Variants in PPP2R5C observed in about 807,000 individuals in gnomAD.
PPP2R5C encodes protein phosphatase 2 regulatory subunit B'gamma, also known as serine/threonine-protein phosphatase 2A 56 kDa regulatory subunit gamma isoform.
A neutral mutation model predicts 68.9 loss-of-function variants in PPP2R5C; 7 were observed. The ratio of observed to expected loss-of-function variants is 0.10; its 90% CI spans 0.06 to 0.19. The LOEUF (loss-of-function observed/expected upper bound fraction) is 0.19, where lower values mean the gene tolerates loss of function less well. Ranked by LOEUF, PPP2R5C falls within the 10% of genes least tolerant of loss-of-function variation. The pLI, the probability that PPP2R5C is intolerant of heterozygous loss-of-function variation, is 1.00. For synonymous variants in PPP2R5C, 210 were observed against 222.2 expected (o/e 0.95, Z 0.49); for missense variants, 348 against 641.3 (o/e 0.54, Z 4.94).
At chr14:101,808,970 A>G (rs1196895650), upstream of PPP2R5C, among the ~76,000 whole-genome samples, 4 of 152,220 alleles carry the variant, frequency 2.6e-5, no homozygotes, top group Admixed American at 6.5e-5. Context: ...TTTTACATTA[A>G]CTGTATTTGA....
chr14:101,824,323 T>C (rs2040267704), intron 1 of PPP2R5C: 1 of 532,742 alleles, frequency 1.9e-6, no homozygotes, highest in African/African-American at 2.0e-5. Context: ...GGCTCTGTTT[T>C]AGTGTAGACA....
chr14:101,825,790 GGGGATT>G lies in PPP2R5C; in HGVS notation c.94+15755_94+15760del, dbSNP rs2040363994. Among the ~76,000 whole-genome samples the G allele has an allele frequency of 6.6e-6, 1 of 152,228 alleles. No homozygotes were observed. The highest frequency in any genetic ancestry group is 1.5e-5 in the Non-Finnish European group (1 of 68,054). ...AATGTTCAGTGTCATCTTCAGCAGA[GGGGATT>G]ATCAGAAACTTCTGGGGCAGTAAGG... On this transcript the variant is annotated intron_variant, in intron 1 of 13. Coordinates refer to ENST00000334743, the Ensembl canonical transcript of PPP2R5C. This position sits in a 1 kb window ranked among gnomAD's most constrained non-coding sequence, Gnocchi z 4.0.
chr14:101,801,776 C>A (rs145192768), intron 3 of PPP2R5C, among the ~76,000 whole-genome samples: 2 of 152,348 alleles, frequency 1.3e-5, no homozygotes, highest in East Asian at 3.9e-4. Flanking sequence ...AAGCAATCTA[C>A]AAATTCAGTG....
At chr14:101,867,816 A>G (rs1400174363) in intron 2 of PPP2R5C, among the ~76,000 whole-genome samples, 2 of 152,150 alleles carry the variant, frequency 1.3e-5, no homozygotes, top group Non-Finnish European at 2.9e-5. Context: ...AAATAAAAAC[A>G]AGCTATCCGT....
At chr14:101,819,917 C>G (rs2039946353) in intron 1 of PPP2R5C, 2 of 152,230 alleles carry the variant, frequency 1.3e-5, no homozygotes, top group Non-Finnish European at 2.9e-5. Flanking sequence ...AGCCACCGCA[C>G]CCAGCCTCCT....
rs141000996 is a variant in PPP2R5C at position 101,906,023 on chromosome 14, T to C, written c.1024-379T>C. On this transcript the variant is annotated intron_variant, in intron 9 of 13. Coordinates refer to ENST00000334743, the Ensembl canonical transcript of PPP2R5C. The surrounding 1 kb of genome is among the most constrained non-coding windows in gnomAD (Gnocchi z 4.0). ...GGAGTCAAGGATTTCTGCCTTGCTT[T>C]GTTCAGTGCTGAATGCTCAGCAGAA... 1.8e-3 allele frequency among the ~76,000 whole-genome samples: 271 copies of C among 152,368 alleles called. 1 individual carries two copies. The highest frequency in any genetic ancestry group is 6.1e-3 in the African/African-American group (253 of 41,598).
chr14:101,864,144 CAATAAA>C (rs1290685813), intron 2 of PPP2R5C, among the ~76,000 whole-genome samples: 1 of 152,128 alleles, frequency 6.6e-6, no homozygotes, highest in Non-Finnish European at 1.5e-5. Context: ...TTTATAGACT[CAATAAA>C]TATTCATTCA....
chr14:101,858,334 C>A (rs917665174), intron 2 of PPP2R5C, among the ~76,000 whole-genome samples: 1 of 151,756 alleles, frequency 6.6e-6, no homozygotes, highest in Non-Finnish European at 1.5e-5. Flanking sequence ...AATCTTTTTT[C>A]TTTTAGGTAT....
intron 2 of PPP2R5C, among the ~76,000 whole-genome samples, chr14:101,770,937 C>T (rs1287377425): frequency 2.6e-5 from 4 of 152,240 alleles, no homozygotes; most frequent in African/African-American, 9.6e-5. Context: ...GATGGGTCTC[C>T]AGTGTTTCCT....
intron 3 of PPP2R5C, among the ~76,000 whole-genome samples, chr14:101,799,345 C>A (rs2038758535): frequency 6.6e-6 from 1 of 152,188 alleles, no homozygotes; most frequent in Non-Finnish European, 1.5e-5. Flanking sequence ...TCAGTCCCTC[C>A]CAAGCTGTCC....
upstream of PPP2R5C, among the ~76,000 whole-genome samples, chr14:101,808,627 T>G (rs1042025638): frequency 2.0e-5 from 3 of 152,244 alleles, no homozygotes; most frequent in African/African-American, 7.2e-5. Flanking sequence ...GAGCCCTAGC[T>G]GTATTTCAGG....
intron 8 of PPP2R5C, among the ~76,000 whole-genome samples, chr14:101,896,228 C>T (rs2045315572): frequency 6.6e-6 from 1 of 151,830 alleles, no homozygotes; most frequent in African/African-American, 2.4e-5. Flanking sequence ...CCATGTTGGC[C>T]AGGCTGGTCT....
chr14:101,878,179 A>G (rs780103115), intron 2 of PPP2R5C, among the ~76,000 whole-genome samples: 14 of 152,240 alleles, frequency 9.2e-5, no homozygotes, highest in Non-Finnish European at 1.9e-4. Context: ...CTGGAGGGCC[A>G]AGGCCCCACT....
At chr14:101,829,401 T>G (rs775298750) in intron 1 of PPP2R5C, among the ~76,000 whole-genome samples, 2 of 152,062 alleles carry the variant, frequency 1.3e-5, no homozygotes, top group Non-Finnish European at 2.9e-5. Flanking sequence ...CATTTATAGG[T>G]CTTACCAGGC....
rs2044674353 is a variant in PPP2R5C at position 101,888,712 on chromosome 14, C to G, written c.630-1525C>G. ...GTTCAAGTGATCCTCCCACCTCAGCCTCCCACATATGTGGGATTACAGGCA... is the reference window on the plus strand; with the variant it reads ...GTTCAAGTGATCCTCCCACCTCAGCGTCCCACATATGTGGGATTACAGGCA... On this transcript the variant is annotated intron_variant, in intron 5 of 13. Coordinates refer to ENST00000334743, the Ensembl canonical transcript of PPP2R5C. This position sits in a 1 kb window ranked among gnomAD's most constrained non-coding sequence, Gnocchi z 5.6. Among the ~76,000 whole-genome samples the G allele has an allele frequency of 6.6e-6, 1 of 152,222 alleles. No individual in the cohort carries two copies. Among genetic ancestry groups the G allele is most frequent in the Non-Finnish European group, 1.5e-5 (1 of 68,036 alleles).
intron 1 of PPP2R5C, among the ~76,000 whole-genome samples, chr14:101,845,138 T>TAAA (rs560828976): frequency 3.4e-5 from 5 of 145,888 alleles, no homozygotes; most frequent in South Asian, 2.2e-4. Context: ...TTTCCCTGTT[T>TAAA]AAAAAAAAAA....
Position 101,852,573 on chromosome 14 carries a change from A to T in PPP2R5C, c.95-4113A>T, listed in dbSNP as rs550274658. 4.8e-5 allele frequency among the ~76,000 whole-genome samples: 7 copies of T among 147,218 alleles called. No homozygotes were observed. In the South Asian group the frequency reaches 1.3e-3, roughly 27 times the overall value. On this transcript the variant is annotated intron_variant, in intron 1 of 13. Transcript: ENST00000334743. ...AACCTCAGCCTCCCGGGTTCAAGCG[A>T]TTCTCTTGCCTCAGCCTCCCAAGTA... is the stretch of plus-strand genomic sequence containing the variant.
At chr14:101,819,645 T>G (rs2039927719) in intron 1 of PPP2R5C, 1 of 153,362 alleles carries the variant, frequency 6.5e-6, no homozygotes, top group African/African-American at 2.4e-5. Flanking sequence ...TTTTGTTTGG[T>G]TTTTTGGTTG....
chr14:101,870,641 C>T (rs536732643), intron 2 of PPP2R5C, among the ~76,000 whole-genome samples: 1 of 152,240 alleles, frequency 6.6e-6, no homozygotes, highest in African/African-American at 2.4e-5. Context: ...AGTTATTTTA[C>T]CTTTCCATAT....
Sources: allele counts gnomAD v4.1 joint callset (sites outside exome capture counted in the v4.1 genomes callset), GRCh38; gene constraint gnomAD v4.1.1; non-coding constraint Gnocchi (gnomAD v3.1); transcripts MANE v1.5; gene names NCBI Gene and HGNC (gene_info 2026-07-23, HGNC 2026-07-21).